Variants in TMEM161B observed in about 807,000 individuals in gnomAD.
TMEM161B encodes the protein transmembrane protein 161B.
Under a neutral mutation model 61.8 loss-of-function variants are expected in TMEM161B, and 34 were observed. That is an observed-to-expected ratio of 0.55 (90% CI 0.42 to 0.73). The LOEUF is 0.73. Ranked by LOEUF, TMEM161B falls within the 30% of genes least tolerant of loss-of-function variation. The pLI is 0.00. For synonymous variants in TMEM161B, 167 were observed against 192.8 expected (o/e 0.87, Z 1.11); for missense variants, 456 against 558.5 (o/e 0.82, Z 1.85).
At chr5:88,261,526 T>C (rs1755678452) in intron 1 of TMEM161B, among the ~76,000 whole-genome samples, 1 of 151,800 alleles carries the variant, frequency 6.6e-6, no homozygotes. Context: ...AACTTCAAGA[T>C]TCACTAGAAA....
At chr5:88,210,772 A>G (rs1580413082) in intron 5 of TMEM161B, among the ~76,000 whole-genome samples, 1 of 152,356 alleles carries the variant, frequency 6.6e-6, no homozygotes, top group Non-Finnish European at 1.5e-5. Flanking sequence ...CCTAAAATAA[A>G]GCTGGTTTTA....
intron 1 of TMEM161B, among the ~76,000 whole-genome samples, chr5:88,256,875 G>A (rs1755050039): frequency 6.6e-6 from 1 of 152,214 alleles, no homozygotes; most frequent in African/African-American, 2.4e-5. Flanking sequence ...TTCACTTTAA[G>A]AGTAAAAGAC....
rs754944703 is a variant in TMEM161B, at chr5:88,205,869, G to A, written c.745C>T (p.Arg249Ter). Residue 249 changes from arginine to a stop codon, truncating the protein, a stop_gained, in exon 8 of 12, where the codon CGA becomes TGA. Transcript: ENST00000296595. LOFTEE classifies it high-confidence loss of function. ...IGAFLTFPGL[R>*]LAQMHLDALN... ...GCATCCAGATGCATTTGAGCCAGTC[G>A]TAATCCAGGAAATGTCAAAAAAGCC... The A allele has an allele frequency of 6.8e-6, 11 of 1,612,620 alleles. No individual in the cohort carries two copies. Among genetic ancestry groups the A allele is most frequent in the Non-Finnish European group, 9.3e-6 (11 of 1,179,300 alleles).
intron 5 of TMEM161B, among the ~76,000 whole-genome samples, chr5:88,207,899 G>A (rs914760578): frequency 2.0e-5 from 3 of 152,118 alleles, no homozygotes; most frequent in African/African-American, 4.8e-5. Flanking sequence ...TAACCTTTAC[G>A]TAAAGTTTAT....
chr5:88,267,081 A>G lies in TMEM161B; in HGVS notation c.3+1640T>C, dbSNP rs772561810. On this transcript the variant is annotated intron_variant, in intron 1 of 11. Coordinates refer to ENST00000296595, the MANE Select transcript of TMEM161B (RefSeq NM_153354.5). ...GTATTTTAATTATACTTTACCTTCA[A>G]CTTTTCAGACCAAAAAGTCAAAAAT... Among the ~76,000 whole-genome samples, 45 of 152,238 alleles carry G rather than the reference A, an allele frequency of 3.0e-4. 1 individual carries two copies. The highest frequency in any genetic ancestry group is 1.9e-4 in the Non-Finnish European group (13 of 68,030).
At chr5:88,209,742 C>T (rs112176060) in intron 5 of TMEM161B, among the ~76,000 whole-genome samples, 14 of 152,252 alleles carry the variant, frequency 9.2e-5, no homozygotes, top group African/African-American at 3.1e-4. Flanking sequence ...GATCTGGCCA[C>T]ACTCACATGT....
intron 1 of TMEM161B, among the ~76,000 whole-genome samples, chr5:88,255,659 A>G (rs889830381): frequency 5.3e-5 from 8 of 152,204 alleles, no homozygotes; most frequent in African/African-American, 1.7e-4. Context: ...TGTTTACAGA[A>G]TTAATTGGGT....
downstream of TMEM161B, among the ~76,000 whole-genome samples, chr5:88,188,325 A>C (rs1748491589): frequency 6.6e-6 from 1 of 150,574 alleles, no homozygotes; most frequent in African/African-American, 2.4e-5. Flanking sequence ...CATGTTGGCC[A>C]GGCTGATTTC....
chr5:88,190,251 C>T, downstream of TMEM161B: 1 of 700,802 alleles, frequency 1.4e-6, no homozygotes, highest in Non-Finnish European at 2.6e-6. Flanking sequence ...TGGACCTTGC[C>T]TTGCATTATG....
chr5:88,261,833 A>G (rs1448558169), intron 1 of TMEM161B, among the ~76,000 whole-genome samples: 2 of 152,124 alleles, frequency 1.3e-5, no homozygotes, highest in African/African-American at 4.8e-5. Context: ...CAAAGTTATA[A>G]AAGTCCTGTT....
chr5:88,268,631 G>A (rs2112813085), intron 1 of TMEM161B, 90 bp downstream of exon 1: 2 of 1,581,666 alleles, frequency 1.3e-6, no homozygotes, highest in African/African-American at 1.3e-5. Flanking sequence ...TCCATTCTGA[G>A]CAGAGCACCT....
At chr5:88,210,690 TTA>T (rs1394762744) in intron 5 of TMEM161B, among the ~76,000 whole-genome samples, 37 of 152,256 alleles carry the variant, frequency 2.4e-4, no homozygotes, top group African/African-American at 8.4e-4. Context: ...AGGCAGGAGA[TTA>T]AGAGATTCTC....
chr5:88,262,354 T>C (rs1330493176), intron 1 of TMEM161B, among the ~76,000 whole-genome samples: 1 of 152,166 alleles, frequency 6.6e-6, no homozygotes, highest in Non-Finnish European at 1.5e-5. Flanking sequence ...AGACAACTTG[T>C]GGTTTCTTAC....
chr5:88,255,818 C>T lies in TMEM161B; in HGVS notation c.3+12903G>A, dbSNP rs575292027. 2.8e-3 allele frequency among the ~76,000 whole-genome samples: 428 copies of T among 152,062 alleles called. 2 individuals carry two copies. Among genetic ancestry groups the T allele is most frequent in the African/African-American group, 0.01 (415 of 41,458 alleles). On this transcript the variant is annotated intron_variant, in intron 1 of 11. Coordinates refer to ENST00000296595, the MANE Select transcript of TMEM161B (RefSeq NM_153354.5). ...AGCATAAATCCTCAATACCTCAGTA[C>T]AGCTTTTTGACCCTTTCAAAGGTCA...
At chr5:88,220,931 C>A (rs1748857554) in intron 4 of TMEM161B, among the ~76,000 whole-genome samples, 1 of 152,002 alleles carries the variant, frequency 6.6e-6, no homozygotes, top group South Asian at 2.1e-4. Flanking sequence ...TAATACCTCA[C>A]AAATTAAAAT....
chr5:88,256,962 A>T (rs550870410), intron 1 of TMEM161B, among the ~76,000 whole-genome samples: 1 of 152,244 alleles, frequency 6.6e-6, no homozygotes, highest in African/African-American at 2.4e-5. Flanking sequence ...TTTTAATGAG[A>T]TAGCTTTGTG....
At chr5:88,243,249 T>C (rs1007381666) in intron 1 of TMEM161B, among the ~76,000 whole-genome samples, 1 of 151,682 alleles carries the variant, frequency 6.6e-6, no homozygotes, top group Non-Finnish European at 1.5e-5. Context: ...CTACCTTCCA[T>C]CCTCAAGTAG....
chr5:88,243,225 T>G (rs1753027257), intron 1 of TMEM161B, among the ~76,000 whole-genome samples: 1 of 151,760 alleles, frequency 6.6e-6, no homozygotes, highest in Non-Finnish European at 1.5e-5. Flanking sequence ...AGTTTTTCAG[T>G]CATCACCCTC....
chr5:88,252,026 C>T (rs752033003), intron 1 of TMEM161B, among the ~76,000 whole-genome samples: 4 of 152,134 alleles, frequency 2.6e-5, no homozygotes, highest in South Asian at 2.1e-4. Flanking sequence ...TAACATATTA[C>T]GTAACAATAA....
Sources: gnomAD v4.1 joint callset for allele counts (sites outside exome capture counted in the v4.1 genomes callset) on GRCh38, gnomAD v4.1.1 for gene constraint, MANE v1.5 for transcripts, NCBI Gene and HGNC (gene_info 2026-07-23, HGNC 2026-07-21) for gene names.